The following CASZ1 variants were observed in gnomAD, a reference collection of about 807,000 sequenced individuals.
CASZ1 encodes zinc finger protein castor homolog 1.
A neutral mutation model predicts 135.2 loss-of-function variants in CASZ1; 28 were observed. That is an observed-to-expected ratio of 0.21 (90% CI 0.15 to 0.28). CASZ1 has a LOEUF of 0.28. Ranked by LOEUF, CASZ1 falls within the 10% of genes least tolerant of loss-of-function variation. CASZ1 has a pLI of 1.00. For synonymous variants in CASZ1, 1,068 were observed against 1,073.4 expected (o/e 0.99, Z 0.10); for missense variants, 2,161 against 2,453.3 (o/e 0.88, Z 2.52).
intron 1 of CASZ1, among the ~76,000 whole-genome samples, chr1:10,790,622 C>T (rs1016052513): frequency 1.3e-5 from 2 of 152,164 alleles, no homozygotes; most frequent in African/African-American, 4.8e-5. Context: ...TTTTCAATGC[C>T]AAAAGCCTAA....
chr1:10,737,003 G>C (rs1413998438), intron 2 of CASZ1, among the ~76,000 whole-genome samples: 1 of 152,210 alleles, frequency 6.6e-6, no homozygotes, highest in African/African-American at 2.4e-5. Context: ...TCTGCAGAGA[G>C]GGGGAGAAGG....
chr1:10,756,124 G>A lies in CASZ1; in HGVS notation c.-77+4577C>T, dbSNP rs1217579738. Among the ~76,000 whole-genome samples the A allele has an allele frequency of 6.6e-6, 1 of 152,072 alleles. No homozygotes were observed. Among genetic ancestry groups the A allele is most frequent in the Non-Finnish European group, 1.5e-5 (1 of 68,000 alleles). On this transcript the variant is annotated intron_variant, in intron 2 of 20. Coordinates refer to ENST00000377022, the MANE Select transcript of CASZ1 (RefSeq NM_001079843.3). The surrounding 1 kb of genome is among the most constrained non-coding windows in gnomAD (Gnocchi z 5.9). ...AAGACTGGCTGACACGCCCCTCGGA[G>A]CCAGGCAGAGGCACCAGCTGTAGGC...
intron 2 of CASZ1, among the ~76,000 whole-genome samples, chr1:10,744,233 CT>C (rs1414609330): frequency 2.0e-5 from 3 of 149,538 alleles, no homozygotes; most frequent in African/African-American, 7.3e-5. Flanking sequence ...AATTCAGTTT[CT>C]AGGAAGCAGG....
Position 10,717,033 on chromosome 1 carries a change from C to T in CASZ1, c.-76-11489G>A, listed in dbSNP as rs777490418. 1.3e-5 allele frequency among the ~76,000 whole-genome samples: 2 copies of T among 152,170 alleles called. No individual in the cohort carries two copies. The highest frequency in any genetic ancestry group is 2.9e-5 in the Non-Finnish European group (2 of 68,016). ...GCACAGACCTAGCAGAGGGCTGGGC[C>T]TCAGGGCTCCCCTAGAGAGACTCAG... On this transcript the variant is annotated intron_variant, in intron 2 of 20. Coordinates refer to ENST00000377022, the MANE Select transcript of CASZ1 (RefSeq NM_001079843.3). The surrounding 1 kb of genome is among the most constrained non-coding windows in gnomAD (Gnocchi z 4.6).
intron 4 of CASZ1, among the ~76,000 whole-genome samples, chr1:10,668,639 C>G (rs1056157607): frequency 6.6e-6 from 1 of 152,262 alleles, no homozygotes; most frequent in Non-Finnish European, 1.5e-5. Flanking sequence ...TCTGGCCCCA[C>G]GGGCTCTGGC....
intron 5 of CASZ1, among the ~76,000 whole-genome samples, chr1:10,663,503 C>T (rs1309774988): frequency 6.6e-6 from 1 of 152,214 alleles, no homozygotes; most frequent in East Asian, 1.9e-4. Context: ...GGAGTGGGCT[C>T]TGGCTGCTGG....
At chr1:10,667,315 C>T (rs1055059637) in intron 4 of CASZ1, among the ~76,000 whole-genome samples, 3 of 152,230 alleles carry the variant, frequency 2.0e-5, no homozygotes, top group African/African-American at 7.2e-5. Context: ...GACTCTAGCC[C>T]AGCCAGGCCC....
chr1:10,745,885 C>T (rs1433677415), intron 2 of CASZ1, among the ~76,000 whole-genome samples: 4 of 152,216 alleles, frequency 2.6e-5, no homozygotes, highest in African/African-American at 9.6e-5. Flanking sequence ...TCATGAGCTC[C>T]TATTCAAACA....
In CASZ1 at chr1:10,638,975, G is replaced by C; in HGVS notation, c.5247C>G (p.Pro1749=). Residue 1749 remains proline (P), a synonymous_variant, in exon 21 of 21, where the codon CCC becomes CCG. Transcript: ENST00000377022. The surrounding 1 kb of genome is among the most constrained non-coding windows in gnomAD (Gnocchi z 5.9). The stretch of plus-strand genomic sequence containing the variant: ...AGGAGGCTGCAGTGGGCGCGGGGCC[G>C]GGGGCGCCCAGGGCCGCCAGCGCCG... The part of the protein sequence containing the change: ...ALAALAALGA[P]GPAPTAASSP 6.1e-6 allele frequency: 6 copies of C among 980,450 alleles called. No homozygotes were observed. The South Asian group carries it at 2.7e-4, about 45-fold the overall frequency. 60.7% of individuals were successfully genotyped at this position (980,450 alleles called of 1,614,324 possible).
chr1:10,676,177 T>C lies in CASZ1; in HGVS notation c.17-10606A>G, dbSNP rs1261907702. Among the ~76,000 whole-genome samples the C allele has an allele frequency of 6.6e-6, 1 of 152,062 alleles. No homozygotes were observed. The highest frequency in any genetic ancestry group is 1.5e-5 in the Non-Finnish European group (1 of 67,980). On this transcript the variant is annotated intron_variant, in intron 4 of 20. Coordinates refer to ENST00000377022, the MANE Select transcript of CASZ1 (RefSeq NM_001079843.3). The surrounding 1 kb of genome is among the most constrained non-coding windows in gnomAD (Gnocchi z 4.5). Reference sequence around the variant, plus strand: ...CCTGAGGGTCACACAGAATGTGTGATCTCAGGGTGGTGACAAACCCATGCC... The same window carrying C: ...CCTGAGGGTCACACAGAATGTGTGACCTCAGGGTGGTGACAAACCCATGCC...
chr1:10,694,038 C>A lies in CASZ1; in HGVS notation c.-23-126G>T. On this transcript the variant is annotated intron_variant, in intron 3 of 20. Coordinates refer to ENST00000377022, the MANE Select transcript of CASZ1 (RefSeq NM_001079843.3). The surrounding 1 kb of genome is among the most constrained non-coding windows in gnomAD (Gnocchi z 6.6). ...GGAGCGGCCCGTCCCGGGCGGGCGC[C>A]GAGGCCGCGGCGGAGAAACTTTCTC... 1.2e-6 allele frequency: 1 copy of A among 814,426 alleles called. No individual in the cohort carries two copies. Among genetic ancestry groups the A allele is most frequent in the Non-Finnish European group, 1.8e-6 (1 of 549,542 alleles). 50.4% of individuals were successfully genotyped at this position (814,426 alleles called of 1,614,324 possible). A position where few individuals can be genotyped will look rare whatever the true frequency, so the allele number is the denominator to read the frequency against.
At position 10,694,415 on chromosome 1, in the gene CASZ1, C is replaced by T; in HGVS notation, c.-23-503G>A. On this transcript the variant is annotated intron_variant, in intron 3 of 20. Transcript: ENST00000377022. This position sits in a 1 kb window ranked among gnomAD's most constrained non-coding sequence, Gnocchi z 6.6. Reference sequence around the variant, plus strand: ...ACAAGTTGTTTTAAAGCCCTGATGTCATTGCTCCTGCCGGTAACACTCAGG... The same window carrying T: ...ACAAGTTGTTTTAAAGCCCTGATGTTATTGCTCCTGCCGGTAACACTCAGG... The T allele has an allele frequency of 1.5e-6, 1 of 660,980 alleles. No homozygotes were observed. The highest frequency in any genetic ancestry group is 2.0e-6 in the Non-Finnish European group (1 of 492,188). The allele number at this position is 660,980 out of a possible 1,614,324, so 40.9% of individuals were successfully genotyped here. A position where few individuals can be genotyped will look rare whatever the true frequency, so the allele number is the denominator to read the frequency against.
At position 10,693,910 on chromosome 1, in the gene CASZ1, ACT is replaced by A. The variant is rs1557512677; in HGVS notation, c.-23_-22del. The A allele has an allele frequency of 8.1e-6, 13 of 1,612,860 alleles. No homozygotes were observed. The highest frequency in any genetic ancestry group is 1.0e-5 in the Non-Finnish European group (12 of 1,179,420). Reference sequence around the variant, plus strand: ...TCCATTCTCTTCTCCTTGGTCCCAAACTCTTCGCAGAACGCCACCAGGGGAAG... The same window carrying A: ...TCCATTCTCTTCTCCTTGGTCCCAAACTTCGCAGAACGCCACCAGGGGAAG... On this transcript the variant is annotated splice_region_variant and 5_prime_UTR_variant, in exon 4 of 21. Transcript: ENST00000377022.
Position 10,647,833 on chromosome 1 carries a change from C to G in CASZ1, c.3465G>C (p.Gln1155His), listed in dbSNP as rs550813676. ...ATTSLENAKP[Q>H]VKPGFLQFQE... is the part of the protein sequence containing the mutation. ...GGAACTGGAGGAATCCGGGTTTGAC[C>G]TGGGGCTTGGCGTTCTCTAGAGAAG... The change falls in exon 16 of 21, where the codon CAG (glutamine) becomes CAC (histidine). Residue 1155 changes from glutamine (Q) to histidine (H), a missense_variant. Physicochemically the swap from Gln to His is conservative, Grantham distance 24. This residue lies in a region of CASZ1 where 349 missense variants were observed against 460.8 expected (regional missense o/e 0.76). Coordinates refer to ENST00000377022, the MANE Select transcript of CASZ1 (RefSeq NM_001079843.3). This position sits in a 1 kb window ranked among gnomAD's most constrained non-coding sequence, Gnocchi z 4.9. The G allele has an allele frequency of 3.1e-6, 5 of 1,613,916 alleles. No homozygotes were observed. In the African/African-American group the frequency reaches 5.3e-5, roughly 17 times the overall value.
intron 4 of CASZ1, 113 bp downstream of exon 4, chr1:10,693,761 T>TA: frequency 4.4e-6 from 2 of 458,884 alleles, no homozygotes; most frequent in Non-Finnish European, 4.4e-6. Flanking sequence ...CGCCCGACCC[T>TA]CCCGGCCCCC....
chr1:10,728,764 G>T (rs950943910), intron 2 of CASZ1, among the ~76,000 whole-genome samples: 6 of 151,996 alleles, frequency 3.9e-5, no homozygotes, highest in African/African-American at 1.4e-4. Flanking sequence ...ATGAGAGGGG[G>T]GACAGCTGGG....
intron 3 of CASZ1, among the ~76,000 whole-genome samples, chr1:10,702,585 A>G (rs540081816): frequency 3.0e-4 from 46 of 152,110 alleles, no homozygotes; most frequent in Non-Finnish European, 5.1e-4. Context: ...AGGCCTGGCA[A>G]TGACCCGGGC....
chr1:10,751,710 C>A (rs7526145), intron 2 of CASZ1, among the ~76,000 whole-genome samples: 3,747 of 152,276 alleles, frequency 0.025, 154 homozygotes, highest in African/African-American at 0.083. Flanking sequence ...GCACCCCCGG[C>A]CCCCTTCTGC....
In CASZ1 at chr1:10,712,945, C is replaced by T. The variant is rs776633251; in HGVS notation, c.-76-7401G>A. ...CCCACCCACAGGGCTCCAGGGCTTCCCAAGGTCGAGGAGCCCCACCTCGAA... is the reference window on the plus strand; with the variant it reads ...CCCACCCACAGGGCTCCAGGGCTTCTCAAGGTCGAGGAGCCCCACCTCGAA... On this transcript the variant is annotated intron_variant, in intron 2 of 20. Transcript: ENST00000377022. 4.7e-4 allele frequency among the ~76,000 whole-genome samples: 71 copies of T among 152,334 alleles called. No individual in the cohort carries two copies. The Middle Eastern group carries it at 0.01, about 22-fold the overall frequency.
Sources: gnomAD v4.1 joint callset for allele counts (sites outside exome capture counted in the v4.1 genomes callset) on GRCh38, gnomAD v4.1.1 for gene constraint, gnomAD v4.1.1 regional missense constraint, Gnocchi (gnomAD v3.1) non-coding constraint, MANE v1.5 for transcripts, NCBI Gene and HGNC (gene_info 2026-07-23, HGNC 2026-07-21) for gene names.